The following ICA1 variants were observed in gnomAD, a reference collection of about 807,000 sequenced individuals.
The protein encoded by ICA1 is islet cell autoantigen 1, also known as 69 kDa islet cell autoantigen.
Under a neutral mutation model 71.0 loss-of-function variants are expected in ICA1, and 40 were observed. The ratio of observed to expected loss-of-function variants is 0.56; its 90% CI spans 0.44 to 0.73. ICA1 has a LOEUF of 0.73. ICA1 is among the 30% of genes least tolerant of loss of function. The pLI, the probability that ICA1 is intolerant of heterozygous loss-of-function variation, is 0.00. For missense variants in ICA1, 578 were observed against 576.5 expected (o/e 1.00, Z -0.03); for synonymous variants, 207 against 209.5 (o/e 0.99, Z 0.10).
At chr7:8,184,484 C>T (rs544964039) in intron 6 of ICA1, among the ~76,000 whole-genome samples, 15 of 152,152 alleles carry the variant, frequency 9.9e-5, no homozygotes, top group African/African-American at 2.7e-4. Flanking sequence ...TGAAACAGTG[C>T]GGGGGTTGGA....
intron 3 of ICA1, among the ~76,000 whole-genome samples, chr7:8,230,931 T>G (rs1471259701): frequency 6.6e-6 from 1 of 152,204 alleles, no homozygotes; most frequent in East Asian, 1.9e-4. Context: ...TATGTGTGGC[T>G]GGGGATACGT....
intron 6 of ICA1, among the ~76,000 whole-genome samples, chr7:8,205,788 A>G (rs958825890): frequency 6.6e-6 from 1 of 152,248 alleles, no homozygotes; most frequent in African/African-American, 2.4e-5. Context: ...GAGAGACTGT[A>G]GGGAAAGACT....
intron 6 of ICA1, among the ~76,000 whole-genome samples, chr7:8,165,501 A>G (rs914389330): frequency 6.6e-6 from 1 of 152,210 alleles, no homozygotes. Context: ...CCTATTCAAC[A>G]TAATATTGGA....
At chr7:8,146,889 C>CAA (rs1371661800) in intron 8 of ICA1, among the ~76,000 whole-genome samples, 1 of 145,792 alleles carries the variant, frequency 6.9e-6, no homozygotes, top group Non-Finnish European at 1.5e-5. Flanking sequence ...CACGCACACA[C>CAA]ACACACACAC....
At position 8,204,785 on chromosome 7, in the gene ICA1, G is replaced by A. The variant is rs186367751; in HGVS notation, c.579+13520C>T. The stretch of plus-strand genomic sequence containing the variant: ...ATTTTCTGGATTAAATCGTAAGAAA[G>A]TTCATCAAATCTTCATTATATTTTC... On this transcript the variant is annotated intron_variant, in intron 6 of 13. Coordinates refer to ENST00000402384, the MANE Select transcript of ICA1 (RefSeq NM_001136020.3). Among the ~76,000 whole-genome samples the A allele has an allele frequency of 2.7e-4, 41 of 152,218 alleles. 1 individual carries two copies. In the East Asian group the frequency reaches 6.4e-3, roughly 24 times the overall value.
intron 6 of ICA1, among the ~76,000 whole-genome samples, chr7:8,187,217 TA>T (rs1479563380): frequency 6.6e-6 from 1 of 152,234 alleles, no homozygotes; most frequent in Non-Finnish European, 1.5e-5. Context: ...TTACAAAGTA[TA>T]TATTATATTA....
At chr7:8,143,767 GAAGT>G (rs1375049270) in intron 9 of ICA1, 104 bp downstream of exon 9, 1 of 699,540 alleles carries the variant, frequency 1.4e-6, no homozygotes, top group African/African-American at 1.8e-5. Flanking sequence ...GAGAAGTGAG[GAAGT>G]AAGACAAGTC....
rs1797593665 is a variant in ICA1 at position 8,223,056 on chromosome 7, C to G, written c.257-1658G>C. On this transcript the variant is annotated intron_variant, in intron 4 of 13. Transcript: ENST00000402384. This position sits in a 1 kb window ranked among gnomAD's most constrained non-coding sequence, Gnocchi z 4.1. ...TTGAAATACTTATTGCCTTTTAATA[C>G]TCACGCCATGGTTCTATGTAGCTTT... Among the ~76,000 whole-genome samples, 1 of 152,196 alleles carries G rather than the reference C, an allele frequency of 6.6e-6. No individual in the cohort carries two copies. Among genetic ancestry groups the G allele is most frequent in the African/African-American group, 2.4e-5 (1 of 41,448 alleles).
At chr7:8,165,615 C>T (rs1016064363) in intron 6 of ICA1, among the ~76,000 whole-genome samples, 1 of 152,054 alleles carries the variant, frequency 6.6e-6, no homozygotes, top group Non-Finnish European at 1.5e-5. Flanking sequence ...TACTCTATAC[C>T]CAGAAAGCCC....
chr7:8,208,087 A>G (rs1172410001), intron 6 of ICA1, among the ~76,000 whole-genome samples: 1 of 152,192 alleles, frequency 6.6e-6, no homozygotes, highest in Non-Finnish European at 1.5e-5. Flanking sequence ...CTTGATGACA[A>G]ACTAACACAG....
At chr7:8,229,748 T>C (rs1799682197) in intron 3 of ICA1, among the ~76,000 whole-genome samples, 1 of 152,240 alleles carries the variant, frequency 6.6e-6, no homozygotes, top group Admixed American at 6.5e-5. Flanking sequence ...AAAACTTGGT[T>C]ATAAAGAATA....
chr7:8,247,914 C>T (rs1806661448), intron 1 of ICA1, among the ~76,000 whole-genome samples: 1 of 152,168 alleles, frequency 6.6e-6, no homozygotes, highest in Non-Finnish European at 1.5e-5. Flanking sequence ...ATTCTATACC[C>T]ACAAAATTTG....
intron 8 of ICA1, among the ~76,000 whole-genome samples, chr7:8,152,106 C>G (rs909497071): frequency 6.6e-6 from 1 of 152,124 alleles, no homozygotes; most frequent in African/African-American, 2.4e-5. Flanking sequence ...ATTCTGTAAG[C>G]CCAGACCAAG....
chr7:8,243,167 A>T (rs1035475461), intron 1 of ICA1, among the ~76,000 whole-genome samples: 6 of 152,246 alleles, frequency 3.9e-5, no homozygotes, highest in Non-Finnish European at 5.9e-5. Flanking sequence ...AAAATCCTCA[A>T]TAAAATACTG....
At chr7:8,215,891 C>T (rs114680715) in intron 6 of ICA1, among the ~76,000 whole-genome samples, 2,984 of 152,278 alleles carry the variant, frequency 0.02, 92 homozygotes, top group African/African-American at 0.068. Flanking sequence ...CTCAGAAACA[C>T]GTTTAGGTAA....
intron 6 of ICA1, among the ~76,000 whole-genome samples, chr7:8,198,829 G>A (rs565116709): frequency 7.2e-5 from 11 of 152,274 alleles, no homozygotes; most frequent in African/African-American, 2.6e-4. Context: ...CAGAATGGGA[G>A]AAAATAATGT....
intron 4 of ICA1, 103 bp from the exon 5 acceptor site, chr7:8,221,501 G>C: frequency 7.5e-7 from 1 of 1,325,380 alleles, no homozygotes. Flanking sequence ...CAGAGGCGAA[G>C]ACGAGATGAA....
chr7:8,230,256 G>A (rs190120477), intron 3 of ICA1, among the ~76,000 whole-genome samples: 13 of 152,298 alleles, frequency 8.5e-5, no homozygotes, highest in East Asian at 3.9e-4. Context: ...AAAACTCAGC[G>A]CAATATTTCT....
At chr7:8,219,310 C>A (rs765891341) in intron 5 of ICA1, among the ~76,000 whole-genome samples, 1 of 152,238 alleles carries the variant, frequency 6.6e-6, no homozygotes, top group Non-Finnish European at 1.5e-5. Context: ...AAAATATACT[C>A]TTCTTCATGA....
Sources: gnomAD v4.1 joint callset for allele counts (sites outside exome capture counted in the v4.1 genomes callset) on GRCh38, gnomAD v4.1.1 for gene constraint, Gnocchi (gnomAD v3.1) non-coding constraint, MANE v1.5 for transcripts, NCBI Gene and HGNC (gene_info 2026-07-23, HGNC 2026-07-21) for gene names.